The following APOBEC4 variants were observed in gnomAD, a reference collection of about 807,000 sequenced individuals.
APOBEC4 encodes putative deaminase APOBEC-4.
For missense variants in APOBEC4, 375 were observed against 441.2 expected (o/e 0.85, Z 1.34); for synonymous variants, 141 against 154.2 (o/e 0.91, Z 0.63).
At position 183,648,650 on chromosome 1, in the gene APOBEC4, G is replaced by A; in HGVS notation, c.132C>T (p.Ser44=). The A allele has an allele frequency of 6.2e-7, 1 of 1,614,140 alleles. No individual in the cohort carries two copies. Among genetic ancestry groups the A allele is most frequent in the Non-Finnish European group, 8.5e-7 (1 of 1,179,996 alleles). ...CAAAAATCTGACAAAATTCTGTGAG[G>A]GAAACTCTTGCTTCTTCACCTGTTC... ...HIRTGEEARV[S]LTEFCQIFGF... The change falls in exon 2 of 2, where the codon TCC becomes TCT. Residue 44 remains serine, a synonymous_variant. Transcript: ENST00000308641.
Position 183,648,354 on chromosome 1 carries a change from A to C in APOBEC4, c.428T>G (p.Ile143Ser), listed in dbSNP as rs1272842562. 3.1e-6 allele frequency: 5 copies of C among 1,614,242 alleles called. No individual in the cohort carries two copies. The highest frequency in any genetic ancestry group is 3.4e-6 in the Non-Finnish European group (4 of 1,180,048). Residue 143 changes from isoleucine (I) to serine (S), a missense_variant, in exon 2 of 2, where the codon ATT (isoleucine) becomes AGT (serine). Coordinates refer to ENST00000308641, the MANE Select transcript of APOBEC4 (RefSeq NM_203454.3). Reference protein sequence around the residue: ...CCISKMYNFLITYPGITLSIY... With the variant: ...CCISKMYNFLSTYPGITLSIY... ...ACTAAGAGTGATGCCTGGATACGTAATCAGGAAATTATACATTTTGCTGAT... is the reference window on the plus strand; with the variant it reads ...ACTAAGAGTGATGCCTGGATACGTACTCAGGAAATTATACATTTTGCTGAT...
intron 1 of APOBEC4, among the ~76,000 whole-genome samples, chr1:183,649,617 T>C (rs1258396505): frequency 6.6e-6 from 1 of 152,218 alleles, no homozygotes; most frequent in Non-Finnish European, 1.5e-5. Flanking sequence ...GTAAGAGTTT[T>C]CTTTCCCGTG....
In APOBEC4 at chr1:183,651,715, A is replaced by G. The variant is rs540455692; in HGVS notation, c.-31+1357T>C. Among the ~76,000 whole-genome samples the G allele has an allele frequency of 2.6e-5, 4 of 152,312 alleles. No homozygotes were observed. In the South Asian group the frequency reaches 8.3e-4, roughly 32 times the overall value. ...TTAGCTTTGTTTTTTCCTTAGTACTATATTTTCCTGATGTAACTGAATTCC... is the reference window on the plus strand; with the variant it reads ...TTAGCTTTGTTTTTTCCTTAGTACTGTATTTTCCTGATGTAACTGAATTCC... On this transcript the variant is annotated intron_variant, in intron 1 of 1. Coordinates refer to ENST00000308641, the MANE Select transcript of APOBEC4 (RefSeq NM_203454.3).
Position 183,646,792 on chromosome 1 carries a change from C to T in APOBEC4, c.*886G>A, listed in dbSNP as rs961078242. 1 of 152,168 alleles carries T rather than the reference C, an allele frequency of 6.6e-6. No individual in the cohort carries two copies. Among genetic ancestry groups the T allele is most frequent in the African/African-American group, 2.4e-5 (1 of 41,442 alleles). The allele number at this position is 152,168 out of a possible 1,614,324, so 9.4% of individuals were successfully genotyped here. On this transcript the variant is annotated 3_prime_UTR_variant, in exon 2 of 2. Transcript: ENST00000308641. ...GGGATGGAGAAGGGATGCTGAGTTA[C>T]AATCATTGGTGAAGTTATTGAGATG...
At position 183,647,576 on chromosome 1, in the gene APOBEC4, A is replaced by T. The variant is rs1650378134; in HGVS notation, c.*102T>A. The T allele has an allele frequency of 7.5e-6, 11 of 1,473,706 alleles. No homozygotes were observed. In the South Asian group the frequency reaches 1.6e-4, roughly 22 times the overall value. 91.3% of individuals were successfully genotyped at this position (1,473,706 alleles called of 1,614,324 possible). A position where few individuals can be genotyped will look rare whatever the true frequency, so the allele number is the denominator to read the frequency against. On this transcript the variant is annotated 3_prime_UTR_variant, in exon 2 of 2. Transcript: ENST00000308641. ...AGGTTTGCTTTTAGTGCATCAGTTT[A>T]TCTCCATCTTGGCTCAGCCCTGAGA...
chr1:183,648,208 C>T lies in APOBEC4; in HGVS notation c.574G>A (p.Gly192Arg). The T allele has an allele frequency of 6.2e-7, 1 of 1,614,148 alleles. No individual in the cohort carries two copies. The highest frequency in any genetic ancestry group is 8.5e-7 in the Non-Finnish European group (1 of 1,180,006). The change falls in exon 2 of 2, where the codon GGG becomes AGG. Residue 192 changes from glycine (G) to arginine (R), a missense_variant. By Grantham distance (125) the Gly-to-Arg change is moderately radical. Coordinates refer to ENST00000308641, the MANE Select transcript of APOBEC4 (RefSeq NM_203454.3). The part of the protein sequence containing the change: ...PRVVLSPISG[G>R]IWHSVLHSFI... ...CTGTGGAGAACAGAATGCCAGATCCCACCACTTATTGGACTCAAAACAACC... is the reference window on the plus strand; with the variant it reads ...CTGTGGAGAACAGAATGCCAGATCCTACCACTTATTGGACTCAAAACAACC...
In APOBEC4 at chr1:183,648,230, A is replaced by G. The variant is rs751773608; in HGVS notation, c.552T>C (p.Val184=). The change falls in exon 2 of 2, where the codon GTT becomes GTC. Residue 184 remains valine, a synonymous_variant. Transcript: ENST00000308641. ...TCCCACCACTTATTGGACTCAAAAC[A>G]ACCCGCGGCCATAAGCTGGCCAGGC... ...LRSLASLWPR[V]VLSPISGGIW... The G allele has an allele frequency of 1.2e-6, 2 of 1,614,096 alleles. No homozygotes were observed. Among genetic ancestry groups the G allele is most frequent in the African/African-American group, 2.7e-5 (2 of 74,940 alleles).
In APOBEC4 at chr1:183,647,959, G is replaced by A. The variant is rs10911391; in HGVS notation, c.823C>T (p.Pro275Ser). 61,473 of 1,614,120 alleles carry A rather than the reference G, an allele frequency of 0.038. 2,037 individuals carry two copies. Among genetic ancestry groups the A allele is most frequent in the African/African-American group, 0.17 (12,501 of 75,002 alleles). ...NAFPGQFFQMPSGQLQPNLPP... is the reference protein window; with the variant it reads ...NAFPGQFFQMSSGQLQPNLPP... ...AGGTTGGGTTGGAGTTGTCCACTCGGCATTTGAAAAAACTGTCCAGGAAAG... is the reference window on the plus strand; with the variant it reads ...AGGTTGGGTTGGAGTTGTCCACTCGACATTTGAAAAAACTGTCCAGGAAAG... The change falls in exon 2 of 2, where the codon CCG becomes TCG. Residue 275 changes from proline (P) to serine (S), a missense_variant. By Grantham distance (74) the Pro-to-Ser change is moderately conservative (BLOSUM62 -1). Transcript: ENST00000308641.
Position 183,647,747 on chromosome 1 carries a change from C to T in APOBEC4, c.1035G>A (p.Val345=). Residue 345 remains valine (V), a synonymous_variant, in exon 2 of 2, where the codon GTG becomes GTA. Coordinates refer to ENST00000308641, the MANE Select transcript of APOBEC4 (RefSeq NM_203454.3). ...RLPTGRSVEI[V]EITEQFASSK... ...TACTTGCAAACTGTTCTGTGATTTC[C>T]ACTATCTCCACTGACCTTCCAGTGG... 2 of 1,613,912 alleles carry T rather than the reference C, an allele frequency of 1.2e-6. No individual in the cohort carries two copies. Among genetic ancestry groups the T allele is most frequent in the South Asian group, 1.1e-5 (1 of 91,078 alleles).
rs1650340331 is a variant in APOBEC4, at chr1:183,647,044, A to G, written c.*634T>C. 1 of 152,296 alleles carries G rather than the reference A, an allele frequency of 6.6e-6. No individual in the cohort carries two copies. The highest frequency in any genetic ancestry group is 1.9e-4 in the East Asian group (1 of 5,180). 9.4% of individuals were successfully genotyped at this position (152,296 alleles called of 1,614,324 possible). On this transcript the variant is annotated 3_prime_UTR_variant, in exon 2 of 2. Coordinates refer to ENST00000308641, the MANE Select transcript of APOBEC4 (RefSeq NM_203454.3). ...ATTGGAGGTTCTCATGTATCATCTT[A>G]CCTCTATCATCTGCTCAGAAGGGAG...
At chr1:183,650,339 G>A (rs1392243540) in intron 1 of APOBEC4, among the ~76,000 whole-genome samples, 3 of 152,056 alleles carry the variant, frequency 2.0e-5, no homozygotes, top group Non-Finnish European at 4.4e-5. Flanking sequence ...GTCAGGAGAT[G>A]GAGACAATCC....
Position 183,647,522 on chromosome 1 carries a change from T to G in APOBEC4, c.*156A>C. 1 of 1,222,438 alleles carries G rather than the reference T, an allele frequency of 8.2e-7. No individual in the cohort carries two copies. Among genetic ancestry groups the G allele is most frequent in the South Asian group, 2.0e-5 (1 of 50,948 alleles). 75.7% of individuals were successfully genotyped at this position (1,222,438 alleles called of 1,614,324 possible). On this transcript the variant is annotated 3_prime_UTR_variant, in exon 2 of 2. Coordinates refer to ENST00000308641, the MANE Select transcript of APOBEC4 (RefSeq NM_203454.3). ...GGATTATGTTTAAAATAGTGTAACT[T>G]TATAATAGTTGATATGGTAAATAAT...
rs770802488 is a variant in APOBEC4, at chr1:183,648,729, G to C, written c.53C>G (p.Pro18Arg). The stretch of plus-strand genomic sequence containing the variant: ...GAGAGAGAAGCTTAGCCAGTAATAT[G>C]GTTTTACTATTGTTCCATGATTTGC... Reference protein sequence around the residue: ...YLANHGTIVKPYYWLSFSLDC... With the variant: ...YLANHGTIVKRYYWLSFSLDC... Residue 18 changes from proline (P) to arginine (R), a missense_variant, in exon 2 of 2, where the codon CCA becomes CGA. Transcript: ENST00000308641. 1 of 1,613,818 alleles carries C rather than the reference G, an allele frequency of 6.2e-7. No individual in the cohort carries two copies. The highest frequency in any genetic ancestry group is 8.5e-7 in the Non-Finnish European group (1 of 1,179,932).
chr1:183,648,470 A>G lies in APOBEC4; in HGVS notation c.312T>C (p.Tyr104=), dbSNP rs760955378. 6.2e-7 allele frequency: 1 copy of G among 1,614,220 alleles called. No homozygotes were observed. Among genetic ancestry groups the G allele is most frequent in the East Asian group, 2.2e-5 (1 of 44,886 alleles). The change falls in exon 2 of 2, where the codon TAT becomes TAC. Residue 104 remains tyrosine, a synonymous_variant. Transcript: ENST00000308641. ...PESMLFEMNG[Y]LDSAIYNNDS... ...CATTATTGTATATGGCTGAGTCAAG[A>G]TAACCATTCATTTCAAAGAGCATTG...
At position 183,647,727 on chromosome 1, in the gene APOBEC4, G is replaced by A. The variant is rs752436718; in HGVS notation, c.1055C>T (p.Ala352Val). The part of the protein sequence containing the change: ...VEIVEITEQF[A>V]SSKEADEKKK... ...CTTTTCATCTGCCTCCTTGCTACTT[G>A]CAAACTGTTCTGTGATTTCCACTAT... is the stretch of plus-strand genomic sequence containing the variant. The change falls in exon 2 of 2, where the codon GCA becomes GTA. Residue 352 changes from alanine (A) to valine (V), a missense_variant. Transcript: ENST00000308641. 2 of 1,609,526 alleles carry A rather than the reference G, an allele frequency of 1.2e-6. No homozygotes were observed. The highest frequency in any genetic ancestry group is 1.1e-5 in the South Asian group (1 of 90,896).
Position 183,648,062 on chromosome 1 carries a change from A to G in APOBEC4, c.720T>C (p.Thr240=), listed in dbSNP as rs960897494. The change falls in exon 2 of 2, where the codon ACT becomes ACC. Residue 240 remains threonine, a synonymous_variant. Transcript: ENST00000308641. ...TCCTTTTTGTCTGGAGAAGAACATC[A>G]GTGAAGTAAGGTTTTACGCCTGTTA... is the stretch of plus-strand genomic sequence containing the variant. ...NAITGVKPYF[T]DVLLQTKRNP... The G allele has an allele frequency of 2.5e-6, 4 of 1,614,112 alleles. No homozygotes were observed. In the Admixed American group the frequency reaches 6.7e-5, roughly 27 times the overall value.
Position 183,648,432 on chromosome 1 carries a change from T to C in APOBEC4, c.350A>G (p.His117Arg), listed in dbSNP as rs1409118739. The change falls in exon 2 of 2, where the codon CAT (histidine) becomes CGT (arginine). Residue 117 changes from histidine to arginine, a missense_variant. Coordinates refer to ENST00000308641, the MANE Select transcript of APOBEC4 (RefSeq NM_203454.3). Reference sequence around the variant, plus strand: ...GGAGTTGTTGGAATACAGAATGATATGCCTGATGCTGTCATTATTGTATAT... The same window carrying C: ...GGAGTTGTTGGAATACAGAATGATACGCCTGATGCTGTCATTATTGTATAT... Reference protein sequence around the residue: ...SAIYNNDSIRHIILYSNNSPC... With the variant: ...SAIYNNDSIRRIILYSNNSPC... 7 of 1,614,124 alleles carry C rather than the reference T, an allele frequency of 4.3e-6. No individual in the cohort carries two copies. Among genetic ancestry groups the C allele is most frequent in the African/African-American group, 1.3e-5 (1 of 74,948 alleles).
In APOBEC4 at chr1:183,646,394, A is replaced by G. The variant is rs1259015294; in HGVS notation, c.*1284T>C. 6.6e-6 allele frequency: 1 copy of G among 151,362 alleles called. No homozygotes were observed. Among genetic ancestry groups the G allele is most frequent in the Non-Finnish European group, 1.5e-5 (1 of 67,840 alleles). The allele number at this position is 151,362 out of a possible 1,614,324, so 9.4% of individuals were successfully genotyped here. On this transcript the variant is annotated 3_prime_UTR_variant, in exon 2 of 2. Transcript: ENST00000308641. Reference sequence around the variant, plus strand: ...ATTAAATGTTTTAATGTCATGGCAAACTCTTTTATTAGCTTAGGATTACTT... The same window carrying G: ...ATTAAATGTTTTAATGTCATGGCAAGCTCTTTTATTAGCTTAGGATTACTT...
rs189434002 is a variant in APOBEC4, at chr1:183,647,834, G to A, written c.948C>T (p.Ile316=). 100 of 1,614,172 alleles carry A rather than the reference G, an allele frequency of 6.2e-5. No individual in the cohort carries two copies. The East Asian group carries it at 1.5e-3, about 25-fold the overall frequency. The part of the protein sequence containing the change: ...MGQNPNKPRN[I]VRHLNMPQMS... ...TTTGAGGCATATTTAAGTGCCTTAC[G>A]ATATTCCTGGGTTTATTTGGGTTTT... Residue 316 remains isoleucine (I), a synonymous_variant, in exon 2 of 2, where the codon ATC becomes ATT. Transcript: ENST00000308641.
Sources: gnomAD v4.1 joint callset for allele counts (sites outside exome capture counted in the v4.1 genomes callset) on GRCh38, gnomAD v4.1.1 for gene constraint, MANE v1.5 for transcripts, NCBI Gene and HGNC (gene_info 2026-07-23, HGNC 2026-07-21) for gene names.